Variants in EGFR observed in about 807,000 individuals in gnomAD.
The protein encoded by EGFR is epidermal growth factor receptor.
A neutral mutation model predicts 143.0 loss-of-function variants in EGFR; 58 were observed. The ratio of observed to expected loss-of-function variants is 0.41; its 90% CI spans 0.33 to 0.50. EGFR has a LOEUF of 0.50. Ranked by LOEUF, EGFR falls within the 20% of genes least tolerant of loss-of-function variation. The pLI, the probability that EGFR is intolerant of heterozygous loss-of-function variation, is 0.39. For synonymous variants in EGFR, 613 were observed against 594.4 expected (o/e 1.03, Z -0.45); for missense variants, 1,307 against 1,579.0 (o/e 0.83, Z 2.92).
rs2128929580 is a variant in EGFR at position 55,146,704 on chromosome 7, A to G, written c.523A>G (p.Asn175Asp). 1 of 1,614,166 alleles carries G rather than the reference A, an allele frequency of 6.2e-7. No homozygotes were observed. Among genetic ancestry groups the G allele is most frequent in the Non-Finnish European group, 8.5e-7 (1 of 1,180,028 alleles). ...CATAGTCAGCAGTGACTTTCTCAGC[A>G]ACATGTCGATGGACTTCCAGAACCA... ...RDIVSSDFLS[N>D]MSMDFQNHLG... is the part of the protein sequence containing the mutation. The change falls in exon 4 of 28, where the codon AAC (asparagine) becomes GAC (aspartate). Residue 175 changes from asparagine to aspartate, a missense_variant. Physicochemically the swap from Asn to Asp is conservative, Grantham distance 23. Around this residue, in one of 7 missense-constraint regions of EGFR, gnomAD observed 311 missense variants for 412.3 expected, o/e 0.75. Coordinates refer to ENST00000275493, the MANE Select transcript of EGFR (RefSeq NM_005228.5).
At chr7:55,159,449 AGT>A (rs1451919868) in intron 11 of EGFR, among the ~76,000 whole-genome samples, 8 of 152,126 alleles carry the variant, frequency 5.3e-5, no homozygotes, top group African/African-American at 1.9e-4. Context: ...ATAGCATCCT[AGT>A]GTCATGTTGG....
intron 4 of EGFR, among the ~76,000 whole-genome samples, chr7:55,148,977 T>C (rs1794901538): frequency 1.3e-5 from 2 of 152,196 alleles, no homozygotes; most frequent in African/African-American, 4.8e-5. Context: ...CATTAGAAGT[T>C]AGAATGAATG....
At chr7:55,085,653 G>T (rs1220155515) in intron 1 of EGFR, among the ~76,000 whole-genome samples, 1 of 152,186 alleles carries the variant, frequency 6.6e-6, no homozygotes, top group East Asian at 1.9e-4. Context: ...TTAGAATTCT[G>T]GTTTTAGCCA....
chr7:55,194,377 C>T (rs944014868), intron 22 of EGFR, among the ~76,000 whole-genome samples: 3 of 152,070 alleles, frequency 2.0e-5, no homozygotes, highest in Admixed American at 1.3e-4. Context: ...CAGGCGCACA[C>T]CACCATGCCC....
At position 55,089,334 on chromosome 7, in the gene EGFR, C is replaced by T. The variant is rs529871770; in HGVS notation, c.89-52952C>T. Reference sequence around the variant, plus strand: ...CTGTTCATACGTACTTCTCTGTGCACGCAAAGGAGGGCTTGCTAGGGAGGC... The same window carrying T: ...CTGTTCATACGTACTTCTCTGTGCATGCAAAGGAGGGCTTGCTAGGGAGGC... On this transcript the variant is annotated intron_variant, in intron 1 of 27. Coordinates refer to ENST00000275493, the MANE Select transcript of EGFR (RefSeq NM_005228.5). 3.3e-5 allele frequency among the ~76,000 whole-genome samples: 5 copies of T among 152,306 alleles called. No individual in the cohort carries two copies. The East Asian group carries it at 9.6e-4, about 29-fold the overall frequency.
At chr7:55,160,909 C>T (rs780030023) in intron 12 of EGFR, among the ~76,000 whole-genome samples, 24 of 152,236 alleles carry the variant, frequency 1.6e-4, no homozygotes, top group South Asian at 4.1e-4. Context: ...ATGATTCCTA[C>T]GCCGTAGTGC....
chr7:55,140,916 G>A (rs1794420112), intron 1 of EGFR, among the ~76,000 whole-genome samples: 1 of 152,232 alleles, frequency 6.6e-6, no homozygotes, highest in Non-Finnish European at 1.5e-5. Flanking sequence ...GTTATGTGCT[G>A]TCTGAACATG....
intron 26 of EGFR, among the ~76,000 whole-genome samples, 159 bp downstream of exon 26, chr7:55,201,941 G>A (rs891791512): frequency 4.6e-5 from 7 of 151,626 alleles, no homozygotes; most frequent in East Asian, 3.9e-4. Flanking sequence ...TCACAGTGCC[G>A]TTCAAAGCGT....
chr7:55,022,680 T>A (rs1306291906), intron 1 of EGFR, among the ~76,000 whole-genome samples: 2 of 152,204 alleles, frequency 1.3e-5, no homozygotes, highest in African/African-American at 4.8e-5. Context: ...ACACCAGTGG[T>A]TTGTGTGTTA....
At chr7:55,094,471 G>A (rs976167535) in intron 1 of EGFR, among the ~76,000 whole-genome samples, 2 of 152,232 alleles carry the variant, frequency 1.3e-5, no homozygotes, top group Non-Finnish European at 2.9e-5. Context: ...GGCCTAAGAT[G>A]TAGGCAGTTG....
chr7:55,048,557 G>A (rs1788309230), intron 1 of EGFR, among the ~76,000 whole-genome samples: 1 of 152,166 alleles, frequency 6.6e-6, no homozygotes, highest in African/African-American at 2.4e-5. Context: ...TGAATATATT[G>A]GTTAAATGCA....
intron 19 of EGFR, among the ~76,000 whole-genome samples, chr7:55,179,579 C>T (rs1397747335): frequency 6.6e-6 from 1 of 152,156 alleles, no homozygotes; most frequent in Non-Finnish European, 1.5e-5. Context: ...GGGAGGAGGG[C>T]AGTCAGCCTC....
chr7:55,101,731 T>A (rs1015944067), intron 1 of EGFR, among the ~76,000 whole-genome samples: 4 of 152,198 alleles, frequency 2.6e-5, no homozygotes, highest in Admixed American at 6.5e-5. Context: ...TTTTTTAAAC[T>A]GTCTATATTT....
chr7:55,093,269 G>A (rs1364646678), intron 1 of EGFR, among the ~76,000 whole-genome samples: 1 of 152,106 alleles, frequency 6.6e-6, no homozygotes, highest in Non-Finnish European at 1.5e-5. Context: ...TGCCTTCCAT[G>A]TTTTTTTGTT....
chr7:55,081,192 T>C (rs1432923001), intron 1 of EGFR, among the ~76,000 whole-genome samples: 4 of 152,240 alleles, frequency 2.6e-5, no homozygotes, highest in African/African-American at 9.6e-5. Flanking sequence ...GCAGGGTTCC[T>C]TGCAGATCAG....
At chr7:55,073,326 A>G (rs997908976) in intron 1 of EGFR, among the ~76,000 whole-genome samples, 1 of 152,358 alleles carries the variant, frequency 6.6e-6, no homozygotes, top group Middle Eastern at 3.4e-3. Context: ...TCTGTAAAAT[A>G]GGTATGAGTG....
intron 1 of EGFR, among the ~76,000 whole-genome samples, chr7:55,067,410 C>T (rs867518519): frequency 2.0e-5 from 3 of 151,428 alleles, no homozygotes; most frequent in Non-Finnish European, 2.9e-5. Context: ...GCATAGACAA[C>T]GCAGAATGAC....
At chr7:55,060,506 T>C (rs915187183) in intron 1 of EGFR, among the ~76,000 whole-genome samples, 2 of 152,214 alleles carry the variant, frequency 1.3e-5, no homozygotes, top group African/African-American at 4.8e-5. Flanking sequence ...AGTTGATTTT[T>C]TCCTAGCATC....
intron 1 of EGFR, among the ~76,000 whole-genome samples, chr7:55,112,543 G>A (rs1277606575): frequency 6.6e-6 from 1 of 152,254 alleles, no homozygotes; most frequent in Non-Finnish European, 1.5e-5. Flanking sequence ...ACAGTAGACA[G>A]GAAGTGTGGC....
Sources: allele counts gnomAD v4.1 joint callset (sites outside exome capture counted in the v4.1 genomes callset), GRCh38; gene constraint gnomAD v4.1.1; regional missense constraint gnomAD v4.1.1; transcripts MANE v1.5; gene names NCBI Gene and HGNC (gene_info 2026-07-23, HGNC 2026-07-21).